JADE3: variants seen among roughly 807,000 people sequenced by gnomAD.
JADE3 encodes jade family PHD finger 3.
A neutral mutation model predicts 50.1 loss-of-function variants in JADE3; 2 were observed. The ratio of observed to expected loss-of-function variants is 0.04; its 90% confidence interval spans 0.02 to 0.13. The LOEUF (loss-of-function observed/expected upper bound fraction) is 0.13, where lower values mean the gene tolerates loss of function less well. Among genes scored for constraint, JADE3 ranks in the 10% least tolerant of loss-of-function variants. The probability of loss-of-function intolerance (pLI) is 1.00; values close to 1 mark genes in which losing one functional copy is unlikely to be tolerated. For synonymous variants in JADE3, 218 were observed against 232.9 expected (o/e 0.94, Z 0.58); for missense variants, 475 against 634.4 (o/e 0.75, Z 2.70).
chrX:46,929,309 C>T (rs1556339466), intron 1 of JADE3, among the ~76,000 whole-genome samples: 1 of 112,176 alleles, frequency 8.9e-6, no homozygotes, highest in East Asian at 2.8e-4. Context: ...AACATAAATC[C>T]AGAAGAAACT....
intron 8 of JADE3, among the ~76,000 whole-genome samples, chrX:47,040,125 C>T (rs782041265): frequency 8.9e-6 from 1 of 112,235 alleles, no homozygotes; most frequent in Middle Eastern, 4.6e-3. Context: ...GATGGCTCTT[C>T]TGGCTAGAGG....
chrX:46,977,340 C>T (rs781921508), intron 1 of JADE3, among the ~76,000 whole-genome samples: 26 of 111,748 alleles, frequency 2.3e-4, no homozygotes, highest in Admixed American at 1.5e-3. Flanking sequence ...GCCTGGGTGA[C>T]GGAGTGAGAC....
Position 47,038,413 on chromosome X carries a change from C to T in JADE3, c.856-536C>T, listed in dbSNP as rs782099551. The stretch of plus-strand genomic sequence containing the variant: ...GTGGTTGTACTAATTTACATTCCCA[C>T]CAACAGTGTATAAACATTTCCTTTT... On this transcript the variant is annotated intron_variant, in intron 7 of 10. Coordinates refer to ENST00000614628, the MANE Select transcript of JADE3 (RefSeq NM_014735.5). Among the ~76,000 whole-genome samples the T allele has an allele frequency of 1.9e-4, 21 of 111,423 alleles. No individual in the cohort carries two copies. The East Asian group carries it at 5.6e-3, about 30-fold the overall frequency.
At position 47,045,285 on chromosome X, in the gene JADE3, G is replaced by GA. The variant is rs781893687; in HGVS notation, c.972+6227dup. Among the ~76,000 whole-genome samples, 16 of 111,247 alleles carry GA rather than the reference G, an allele frequency of 1.4e-4. No homozygotes were observed. The South Asian group carries it at 4.8e-3, about 33-fold the overall frequency. ...AAAGCAGGAGTAGCTATACTTAATA[G>GA]AAAAAAACTATAAAAGGAGACAAAA... is the stretch of plus-strand genomic sequence containing the variant. On this transcript the variant is annotated intron_variant, in intron 8 of 10. Coordinates refer to ENST00000614628, the MANE Select transcript of JADE3 (RefSeq NM_014735.5).
intron 1 of JADE3, among the ~76,000 whole-genome samples, chrX:46,936,736 C>T (rs940002722): frequency 4.4e-4 from 49 of 111,723 alleles, no homozygotes; most frequent in African/African-American, 1.4e-3. Context: ...TTTAAGTTGT[C>T]TATGTGTGCA....
chrX:47,024,670 C>A (rs1045115971), intron 4 of JADE3, 54 bp from the exon 5 acceptor site: 16 of 803,478 alleles, frequency 2.0e-5, no homozygotes, highest in Non-Finnish European at 2.7e-5. Context: ...CCATTCAGTG[C>A]CTGAAATCTG....
chrX:46,947,130 A>G (rs1556343687), intron 1 of JADE3, among the ~76,000 whole-genome samples: 1 of 111,153 alleles, frequency 9.0e-6, no homozygotes, highest in African/African-American at 3.3e-5. Flanking sequence ...AGTGATTCTC[A>G]TGTCTCAGCC....
intron 5 of JADE3, among the ~76,000 whole-genome samples, chrX:47,027,115 A>G (rs782118498): frequency 1.8e-5 from 2 of 112,071 alleles, no homozygotes; most frequent in African/African-American, 6.5e-5. Flanking sequence ...CATCTTGAGG[A>G]TTATTCCGGA....
intron 1 of JADE3, among the ~76,000 whole-genome samples, chrX:46,971,599 T>C (rs868933201): frequency 9.5e-6 from 1 of 104,978 alleles, no homozygotes; most frequent in African/African-American, 3.5e-5. Context: ...ATCGAGACCA[T>C]CCTGGCTAAC....
chrX:47,046,265 AACTGGAAAAC>A (rs1929371736), intron 8 of JADE3, among the ~76,000 whole-genome samples: 1 of 111,808 alleles, frequency 8.9e-6, no homozygotes, highest in Non-Finnish European at 1.9e-5. Context: ...TATGCCAACA[AACTGGAAAAC>A]CTAGAAGAAG....
intron 1 of JADE3, among the ~76,000 whole-genome samples, chrX:46,983,855 G>T (rs1927808760): frequency 9.0e-6 from 1 of 110,934 alleles, no homozygotes; most frequent in Non-Finnish European, 1.9e-5. Flanking sequence ...CCATGGAGCT[G>T]CTCACACTGT....
intron 1 of JADE3, among the ~76,000 whole-genome samples, chrX:46,970,472 C>T (rs1927460486): frequency 8.9e-6 from 1 of 111,835 alleles, no homozygotes; most frequent in African/African-American, 3.3e-5. Flanking sequence ...TGGTTTGTCA[C>T]ACATCATTGG....
intron 8 of JADE3, among the ~76,000 whole-genome samples, chrX:47,051,796 C>CAATCAATCAGTCAGT (rs1929513172): frequency 1.9e-5 from 2 of 103,633 alleles, no homozygotes; most frequent in African/African-American, 3.6e-5. Flanking sequence ...GACTCTGTCT[C>CAATCAATCAGTCAGT]CCAAAAAAAA....
chrX:46,927,593 A>G (rs1267639890), intron 1 of JADE3, among the ~76,000 whole-genome samples: 3 of 112,361 alleles, frequency 2.7e-5, no homozygotes, highest in African/African-American at 9.7e-5. Context: ...AAGAAGCTGC[A>G]AAAAGTAGCT....
chrX:47,046,042 C>G (rs782242436), intron 8 of JADE3, among the ~76,000 whole-genome samples: 1 of 109,029 alleles, frequency 9.2e-6, no homozygotes, highest in Non-Finnish European at 1.9e-5. Context: ...AAGATCAGAG[C>G]AGAAATAAGT....
chrX:47,058,629 G>T lies in JADE3; in HGVS notation c.2024G>T (p.Gly675Val), dbSNP rs1556374049. 8.3e-7 allele frequency: 1 copy of T among 1,209,685 alleles called. No individual in the cohort carries two copies. Among genetic ancestry groups the T allele is most frequent in the Non-Finnish European group, 1.1e-6 (1 of 895,174 alleles). The change falls in exon 11 of 11, where the codon GGG becomes GTG. Residue 675 changes from glycine (G) to valine (V), a missense_variant. Physicochemically the swap from Gly to Val is moderately radical, Grantham distance 109 (BLOSUM62 -3). Coordinates refer to ENST00000614628, the MANE Select transcript of JADE3 (RefSeq NM_014735.5). ...AATGGCCTGGAGGGCAGCTGGTCTG[G>T]GAATGTCACCCAAAAAGACAGCTCG... is the stretch of plus-strand genomic sequence containing the variant. Reference protein sequence around the residue: ...KSNGLEGSWSGNVTQKDSSSE... With the variant: ...KSNGLEGSWSVNVTQKDSSSE...
intron 1 of JADE3, among the ~76,000 whole-genome samples, chrX:46,946,191 A>G (rs960330975): frequency 1.8e-5 from 2 of 111,758 alleles, no homozygotes; most frequent in African/African-American, 3.3e-5. Flanking sequence ...TTGCTATGAT[A>G]GGTTTAAGAA....
chrX:46,963,988 A>G (rs782755350), intron 1 of JADE3, among the ~76,000 whole-genome samples: 5 of 112,324 alleles, frequency 4.5e-5, no homozygotes, highest in East Asian at 2.8e-4. Flanking sequence ...GTCTACTCCT[A>G]TAACACTTAA....
rs370234384 is a variant in JADE3, at chrX:46,989,485, T to C, written c.126+3693T>C. On this transcript the variant is annotated intron_variant, in intron 3 of 10. Transcript: ENST00000614628. Reference sequence around the variant, plus strand: ...TTTTCACTTGATATAGAATTCTGGTTTCACAGTACTTTTCTTTCAGCACTT... The same window carrying C: ...TTTTCACTTGATATAGAATTCTGGTCTCACAGTACTTTTCTTTCAGCACTT... Among the ~76,000 whole-genome samples, 76 of 111,938 alleles carry C rather than the reference T, an allele frequency of 6.8e-4. No individual in the cohort carries two copies. In the South Asian group the frequency reaches 0.026, roughly 38 times the overall value.
Sources: gnomAD v4.1 joint callset for allele counts (sites outside exome capture counted in the v4.1 genomes callset) on GRCh38, gnomAD v4.1.1 for gene constraint, MANE v1.5 for transcripts, NCBI Gene and HGNC (gene_info 2026-07-23, HGNC 2026-07-21) for gene names.